The following RIF1 variants were observed in gnomAD, a reference collection of about 807,000 sequenced individuals.
RIF1 encodes replication timing regulatory factor 1, also known as telomere-associated protein RIF1.
In RIF1, 45 loss-of-function variants were observed where a neutral mutation model predicts 247.1. The ratio of observed to expected loss-of-function variants is 0.18; its 90% confidence interval spans 0.14 to 0.23. The LOEUF (loss-of-function observed/expected upper bound fraction) is 0.23, where lower values mean the gene tolerates loss of function less well. RIF1 is among the 10% of genes least tolerant of loss of function. RIF1 has a pLI of 1.00. For missense variants in RIF1, 2,967 were observed against 2,862.5 expected, an observed-to-expected ratio of 1.04 and a Z score of -0.83; for synonymous variants, 1,087 against 978.8, an observed-to-expected ratio of 1.11 and a Z score of -2.06.
At chr2:151,497,854 T>C in intron 10 of RIF1, 5 of 1,514,098 alleles carry the variant, frequency 3.3e-6, no homozygotes, top group African/African-American at 1.4e-5. Flanking sequence ...CCGACTACTT[T>C]AGTGGAAGCT....
chr2:151,461,111 C>A (rs367548594), intron 26 of RIF1, 27 bp from the exon 27 acceptor site: 13 of 1,593,884 alleles, frequency 8.2e-6, no homozygotes, highest in Admixed American at 7.2e-5. Context: ...CTAAAATGTA[C>A]ATTTGCTTAT....
At chr2:151,446,164 G>A (rs903380825) in intron 19 of RIF1, among the ~76,000 whole-genome samples, 3 of 151,890 alleles carry the variant, frequency 2.0e-5, no homozygotes, top group Non-Finnish European at 2.9e-5. Context: ...CCGCCACTTC[G>A]TCCGGCTGAT....
intron 8 of RIF1, among the ~76,000 whole-genome samples, chr2:151,425,681 T>TG (rs1553477261): frequency 2.0e-5 from 3 of 146,910 alleles, no homozygotes; most frequent in African/African-American, 7.6e-5. Context: ...TTTTTTTTTT[T>TG]TGTGAGACAG....
chr2:151,488,031 A>G (rs944919477), intron 9 of RIF1, among the ~76,000 whole-genome samples: 1 of 152,044 alleles, frequency 6.6e-6, no homozygotes, highest in Non-Finnish European at 1.5e-5. Flanking sequence ...TAGCACTTTT[A>G]TTTTTATATT....
rs755020904 is a variant in RIF1 at position 151,474,077 on chromosome 2, A to G, written c.7204+5A>G. On this transcript the variant is annotated splice_donor_5th_base_variant and intron_variant, in intron 35 of 35. Transcript: ENST00000444746. Reference sequence around the variant, plus strand: ...ATGAAGAAAGACTTGTCTCAGGTATATTTTAGCAAAAGTGGGATAATTTTA... The same window carrying G: ...ATGAAGAAAGACTTGTCTCAGGTATGTTTTAGCAAAAGTGGGATAATTTTA... 3.8e-6 allele frequency: 5 copies of G among 1,330,862 alleles called. No individual in the cohort carries two copies. The highest frequency in any genetic ancestry group is 2.3e-5 in the East Asian group (1 of 43,236). 82.4% of individuals were successfully genotyped at this position (1,330,862 alleles called of 1,614,324 possible). A position where few individuals can be genotyped will look rare whatever the true frequency, so the allele number is the denominator to read the frequency against.
chr2:151,460,253 G>C, intron 26 of RIF1, 134 bp downstream of exon 26: 1 of 672,098 alleles, frequency 1.5e-6, no homozygotes, highest in Non-Finnish European at 2.4e-6. Flanking sequence ...GAGGGCATTT[G>C]ATGTAGAAAG....
rs191567943 is a variant in RIF1, at chr2:151,442,932, C to T, written c.1735-327C>T. On this transcript the variant is annotated intron_variant, in intron 16 of 35. Coordinates refer to ENST00000444746, the MANE Select transcript of RIF1 (RefSeq NM_018151.5). Reference sequence around the variant, plus strand: ...GACTACAGGCGCGTGCCACCCTGCCCGGCTAGTTTTTTTGTATTTTTATTT... The same window carrying T: ...GACTACAGGCGCGTGCCACCCTGCCTGGCTAGTTTTTTTGTATTTTTATTT... Among the ~76,000 whole-genome samples, 852 of 151,766 alleles carry T rather than the reference C, an allele frequency of 5.6e-3. 2 individuals are homozygous for T. The highest frequency in any genetic ancestry group is 9.6e-3 in the Non-Finnish European group (649 of 67,940).
chr2:151,421,525 G>A (rs539706987), intron 7 of RIF1, among the ~76,000 whole-genome samples: 1 of 152,286 alleles, frequency 6.6e-6, no homozygotes, highest in East Asian at 1.9e-4. Flanking sequence ...AGGGACCATT[G>A]TAAGGATGGA....
At position 151,438,692 on chromosome 2, in the gene RIF1, G is replaced by T; in HGVS notation, c.1492G>T (p.Val498Phe). The T allele has an allele frequency of 6.2e-7, 1 of 1,611,582 alleles. No individual in the cohort carries two copies. The highest frequency in any genetic ancestry group is 8.5e-7 in the Non-Finnish European group (1 of 1,177,752). The change falls in exon 14 of 36, where the codon GTC becomes TTC. Residue 498 changes from valine (V) to phenylalanine (F), a missense_variant. Val to Phe is a conservative substitution (Grantham distance 50). Coordinates refer to ENST00000444746, the MANE Select transcript of RIF1 (RefSeq NM_018151.5). The stretch of plus-strand genomic sequence containing the variant: ...TTTATTTTGTTTGACAGATGTGGTT[G>T]TCAGTGCTATCTGGAAGGAGCTAAT... ...AVGKDAPDVV[V>F]SAIWKELISL...
downstream of RIF1, chr2:151,486,171 C>T (rs934829527): frequency 4.5e-6 from 2 of 449,050 alleles, no homozygotes; most frequent in Non-Finnish European, 8.0e-6. Context: ...AATGCCTTCC[C>T]CCACCAAAAG....
chr2:151,455,453 C>T (rs1401518442), intron 22 of RIF1, among the ~76,000 whole-genome samples: 1 of 152,156 alleles, frequency 6.6e-6, no homozygotes, highest in Non-Finnish European at 1.5e-5. Flanking sequence ...GATAGGAAAG[C>T]TTACTTGGCA....
rs13400922 is a variant in RIF1, at chr2:151,467,119, C to T, written c.6601-881C>T. On this transcript the variant is annotated intron_variant, in intron 30 of 35. Transcript: ENST00000444746. ...TGGCGCACACCTGTAGTTACAGCTA[C>T]TCAGGAGGCTGAGGCAGGAGAATTG... Among the ~76,000 whole-genome samples the T allele has an allele frequency of 1.1e-3, 173 of 152,142 alleles. 1 individual carries two copies. Among genetic ancestry groups the T allele is most frequent in the Middle Eastern group, 0.01 (3 of 292 alleles).
chr2:151,511,918 A>C (rs2153233735), downstream of RIF1, among the ~76,000 whole-genome samples: 1 of 152,208 alleles, frequency 6.6e-6, no homozygotes, highest in Admixed American at 6.5e-5. Flanking sequence ...TTACATGTTA[A>C]AATATTGATT....
intron 19 of RIF1, among the ~76,000 whole-genome samples, chr2:151,445,775 G>A (rs1253018225): frequency 6.6e-6 from 1 of 152,164 alleles, no homozygotes; most frequent in Non-Finnish European, 1.5e-5. Context: ...CTGACCTCAA[G>A]TGATCCACCT....
At chr2:151,493,979 A>G (rs761180140) in intron 9 of RIF1, 5 of 898,650 alleles carry the variant, frequency 5.6e-6, no homozygotes, top group Non-Finnish European at 8.5e-6. Context: ...TAGTGAGAAC[A>G]CCTCTCAAGA....
intron 8 of RIF1, among the ~76,000 whole-genome samples, chr2:151,428,112 C>T (rs1408923390): frequency 2.6e-5 from 4 of 152,004 alleles, no homozygotes; most frequent in African/African-American, 9.7e-5. Flanking sequence ...GCCAGTAATC[C>T]CAGCTACTTG....
the RIF1 span, among the ~76,000 whole-genome samples, chr2:151,528,957 C>T: frequency 6.6e-6 from 1 of 152,334 alleles, no homozygotes; most frequent in Admixed American, 6.5e-5. Flanking sequence ...TTCTCAGCCA[C>T]CCACCGCAAA....
At chr2:151,494,393 G>A (rs1574809945) in intron 9 of RIF1, 1 of 537,276 alleles carries the variant, frequency 1.9e-6, no homozygotes. Flanking sequence ...AAAGTAGTAT[G>A]TTTCCTAAGG....
In RIF1 at chr2:151,416,541, TA is replaced by T; in HGVS notation, c.281-16del. 2 of 1,579,046 alleles carry T rather than the reference TA, an allele frequency of 1.3e-6. No individual in the cohort carries two copies. The highest frequency in any genetic ancestry group is 2.0e-5 in the Admixed American group (1 of 49,606). On this transcript the variant is annotated intron_variant, in intron 4 of 35. Coordinates refer to ENST00000444746, the MANE Select transcript of RIF1 (RefSeq NM_018151.5). ...GAGTATCACCTATTCTATACAAAAT[TA>T]AAACTGCTTGTTTTTCAGAGGCAAA...
Sources: allele counts gnomAD v4.1 joint callset (sites outside exome capture counted in the v4.1 genomes callset), GRCh38; gene constraint gnomAD v4.1.1; transcripts MANE v1.5; gene names NCBI Gene and HGNC (gene_info 2026-07-23, HGNC 2026-07-21).